Variants in UST observed in about 807,000 individuals in gnomAD.
UST encodes uronyl 2-sulfotransferase.
Under a neutral mutation model 45.6 loss-of-function variants are expected in UST, and 21 were observed. The observed-to-expected ratio is 0.46, with a 90% CI of 0.33 to 0.66. UST has a LOEUF of 0.66. Ranked by LOEUF, UST falls within the 30% of genes least tolerant of loss-of-function variation. The pLI is 0.02. For synonymous variants in UST, 215 were observed against 200.6 expected, an observed-to-expected ratio of 1.07 and a Z score of -0.61; for missense variants, 463 against 512.4, an observed-to-expected ratio of 0.90 and a Z score of 0.93.
intron 7 of UST, among the ~76,000 whole-genome samples, chr6:149,058,458 A>G (rs1776604051): frequency 1.3e-5 from 2 of 152,080 alleles, no homozygotes; most frequent in Admixed American, 6.5e-5. Flanking sequence ...CAAATGCCAC[A>G]CAGACTATGA....
chr6:149,022,213 G>A (rs1313821640), intron 7 of UST, among the ~76,000 whole-genome samples: 8 of 152,164 alleles, frequency 5.3e-5, no homozygotes, highest in Non-Finnish European at 1.2e-4. Flanking sequence ...ATCTACTGCT[G>A]TGACAACAAG....
intron 1 of UST, among the ~76,000 whole-genome samples, chr6:148,803,489 C>G (rs970570372): frequency 6.6e-6 from 1 of 152,190 alleles, no homozygotes; most frequent in African/African-American, 2.4e-5. Context: ...TTCTGTCCAA[C>G]TCCTCTATTA....
At chr6:148,957,275 T>A (rs557274372) in intron 4 of UST, among the ~76,000 whole-genome samples, 10 of 152,294 alleles carry the variant, frequency 6.6e-5, no homozygotes, top group African/African-American at 2.4e-4. Flanking sequence ...GAATGATCAG[T>A]TGAACTTTAA....
At chr6:148,862,680 T>C (rs1012060891) in intron 1 of UST, among the ~76,000 whole-genome samples, 1 of 152,230 alleles carries the variant, frequency 6.6e-6, no homozygotes, top group Non-Finnish European at 1.5e-5. Context: ...GGAGCTCTTT[T>C]AGGGCAGGCC....
intron 1 of UST, among the ~76,000 whole-genome samples, chr6:148,788,494 A>T (rs1387308636): frequency 1.3e-5 from 2 of 152,234 alleles, no homozygotes; most frequent in African/African-American, 2.4e-5. Context: ...TCTTTAAAAA[A>T]TGCTGTTATG....
intron 7 of UST, among the ~76,000 whole-genome samples, chr6:149,051,741 A>G (rs1776491215): frequency 6.6e-6 from 1 of 152,118 alleles, no homozygotes; most frequent in Non-Finnish European, 1.5e-5. Flanking sequence ...TGCAGTGGCG[A>G]TGGGGGGGTG....
At chr6:148,823,549 G>C (rs1201650107) in intron 1 of UST, among the ~76,000 whole-genome samples, 1 of 152,184 alleles carries the variant, frequency 6.6e-6, no homozygotes, top group East Asian at 1.9e-4. Context: ...ACCTACTGGT[G>C]CTGCCTTATC....
At chr6:148,930,410 TG>T (rs990928851) in intron 2 of UST, among the ~76,000 whole-genome samples, 1 of 152,212 alleles carries the variant, frequency 6.6e-6, no homozygotes, top group African/African-American at 2.4e-5. Flanking sequence ...TAAAATCTAG[TG>T]AGACAGGCAA....
At chr6:148,852,556 A>G (rs1357235209) in intron 1 of UST, among the ~76,000 whole-genome samples, 1 of 152,132 alleles carries the variant, frequency 6.6e-6, no homozygotes, top group Non-Finnish European at 1.5e-5. Flanking sequence ...ATCCATTTGT[A>G]TGGAGAAATA....
intron 7 of UST, among the ~76,000 whole-genome samples, chr6:149,059,913 C>T (rs1303277420): frequency 6.6e-6 from 1 of 152,114 alleles, no homozygotes. Flanking sequence ...ATTCCTCCTC[C>T]GGGCTGATTT....
chr6:148,880,884 C>T (rs942576810), intron 1 of UST, among the ~76,000 whole-genome samples: 6 of 152,022 alleles, frequency 3.9e-5, no homozygotes, highest in African/African-American at 1.2e-4. Flanking sequence ...AAAAAGTTAG[C>T]TGGGTGTGGT....
intron 7 of UST, among the ~76,000 whole-genome samples, chr6:149,063,333 A>T (rs1197194359): frequency 6.6e-6 from 1 of 152,232 alleles, no homozygotes; most frequent in East Asian, 1.9e-4. Flanking sequence ...TTCAATAGTT[A>T]TCATAAAATT....
chr6:148,775,412 A>G (rs1776511474), intron 1 of UST, among the ~76,000 whole-genome samples: 2 of 150,852 alleles, frequency 1.3e-5, no homozygotes, highest in Non-Finnish European at 2.9e-5. Context: ...CAGATTTTGC[A>G]AAAAAAACGT....
In UST at chr6:148,951,159, T is replaced by C. The variant is rs1021180677; in HGVS notation, c.448-2713T>C. Among the ~76,000 whole-genome samples the C allele has an allele frequency of 7.6e-4, 116 of 152,128 alleles. 1 individual carries two copies. The highest frequency in any genetic ancestry group is 2.7e-3 in the African/African-American group (113 of 41,424). On this transcript the variant is annotated intron_variant, in intron 3 of 7. Coordinates refer to ENST00000367463, the MANE Select transcript of UST (RefSeq NM_005715.3). ...CAGCATGTGTGGTCCTGAGAGCCAGTTGAGGGAAATAGCACAGGTGGAATT... is the reference window on the plus strand; with the variant it reads ...CAGCATGTGTGGTCCTGAGAGCCAGCTGAGGGAAATAGCACAGGTGGAATT...
rs576826367 is a variant in UST at position 148,934,224 on chromosome 6, G to T, written c.292-7055G>T. 6.6e-6 allele frequency among the ~76,000 whole-genome samples: 1 copy of T among 152,270 alleles called. No homozygotes were observed. The highest frequency in any genetic ancestry group is 2.4e-5 in the African/African-American group (1 of 41,552). On this transcript the variant is annotated intron_variant, in intron 2 of 7. Transcript: ENST00000367463. This position sits in a 1 kb window ranked among gnomAD's most constrained non-coding sequence, Gnocchi z 4.1. ...CTTTAACATGAGGATTTGCTGAGTG[G>T]ATTTAAACTGCTCACAGTCCTATGG...
intron 1 of UST, among the ~76,000 whole-genome samples, chr6:148,804,185 T>C (rs1343171212): frequency 1.3e-5 from 2 of 152,206 alleles, no homozygotes; most frequent in Non-Finnish European, 2.9e-5. Context: ...CTCTGAGTCA[T>C]TGTCGTATCA....
chr6:149,029,948 T>G (rs1776115487), intron 7 of UST, among the ~76,000 whole-genome samples: 1 of 151,534 alleles, frequency 6.6e-6, no homozygotes, highest in African/African-American at 2.4e-5. Context: ...ACTAGACTCC[T>G]TATTATATAG....
intron 5 of UST, among the ~76,000 whole-genome samples, chr6:149,012,734 A>G (rs1473580124): frequency 6.6e-6 from 1 of 151,792 alleles, no homozygotes; most frequent in Admixed American, 6.6e-5. Context: ...TTTGACTGAC[A>G]TAGCACATTA....
intron 5 of UST, among the ~76,000 whole-genome samples, chr6:149,018,205 A>T (rs1201419514): frequency 2.6e-5 from 4 of 152,202 alleles, no homozygotes; most frequent in Non-Finnish European, 5.9e-5. Context: ...GAACTAAAAA[A>T]ATTGTTACTA....
Sources: gnomAD v4.1 joint callset for allele counts (sites outside exome capture counted in the v4.1 genomes callset) on GRCh38, gnomAD v4.1.1 for gene constraint, Gnocchi (gnomAD v3.1) non-coding constraint, MANE v1.5 for transcripts, NCBI Gene and HGNC (gene_info 2026-07-23, HGNC 2026-07-21) for gene names.